Variants in CHST9 observed in about 807,000 individuals in gnomAD.
CHST9 encodes the protein GalNAc-4-sulfotransferase 2.
A neutral mutation model predicts 44.4 loss-of-function variants in CHST9; 41 were observed. That is an observed-to-expected ratio of 0.92 (90% CI 0.72 to 1.20). The LOEUF (loss-of-function observed/expected upper bound fraction) is 1.20. Among genes scored for constraint, CHST9 ranks in the 50% most tolerant of loss-of-function variants. The pLI is 0.00. For synonymous variants in CHST9, 171 were observed against 178.4 expected (o/e 0.96, Z 0.33); for missense variants, 504 against 516.5 (o/e 0.98, Z 0.23).
chr18:26,980,634 C>G (rs1176428029), intron 4 of CHST9, among the ~76,000 whole-genome samples: 1 of 152,076 alleles, frequency 6.6e-6, no homozygotes, highest in Admixed American at 6.6e-5. Context: ...TCTAAAAATT[C>G]TTAGGGTTTA....
At chr18:27,094,621 T>A (rs7237657) in intron 2 of CHST9, among the ~76,000 whole-genome samples, 51,534 of 151,782 alleles carry the variant, frequency 0.34, 9,084 homozygotes, top group East Asian at 0.49. Flanking sequence ...AAAGAGAGAT[T>A]TCAGGAACAA....
At chr18:27,042,156 T>C (rs1202124395) in intron 3 of CHST9, among the ~76,000 whole-genome samples, 1 of 152,092 alleles carries the variant, frequency 6.6e-6, no homozygotes. Flanking sequence ...GCATAAGATC[T>C]TAGGAAAAAA....
Position 26,910,518 on chromosome 18 carries a change from T to G in CHST9, c.*5741A>C, listed in dbSNP as rs928908637. 6.6e-6 allele frequency: 1 copy of G among 152,128 alleles called. No homozygotes were observed. The highest frequency in any genetic ancestry group is 2.4e-5 in the African/African-American group (1 of 41,414). The allele number at this position is 152,128 out of a possible 1,614,324, so 9.4% of individuals were successfully genotyped here. A position where few individuals can be genotyped will look rare whatever the true frequency, so the allele number is the denominator to read the frequency against. ...TGTGAACAACTAGAGATCTCCAACC[T>G]CATCTAAAGGGACTGACCTTGCCTC... On this transcript the variant is annotated 3_prime_UTR_variant, in exon 6 of 6. Coordinates refer to ENST00000618847, the MANE Select transcript of CHST9 (RefSeq NM_031422.6).
intron 3 of CHST9, among the ~76,000 whole-genome samples, chr18:27,045,915 G>A (rs1489154297): frequency 6.6e-6 from 1 of 152,042 alleles, no homozygotes; most frequent in Non-Finnish European, 1.5e-5. Flanking sequence ...ACGCTTTACT[G>A]AGAAACTCAG....
At chr18:27,098,485 A>T (rs2143741285) in intron 2 of CHST9, among the ~76,000 whole-genome samples, 1 of 152,284 alleles carries the variant, frequency 6.6e-6, no homozygotes, top group African/African-American at 2.4e-5. Flanking sequence ...TCATTCTATT[A>T]TAAAGACACA....
chr18:27,064,728 G>A (rs2057762817), intron 2 of CHST9, among the ~76,000 whole-genome samples: 1 of 152,170 alleles, frequency 6.6e-6, no homozygotes, highest in South Asian at 2.1e-4. Flanking sequence ...CTAGTCCAGA[G>A]ACTTTCACTT....
chr18:27,006,895 T>G (rs924750983), intron 4 of CHST9, among the ~76,000 whole-genome samples: 1 of 152,146 alleles, frequency 6.6e-6, no homozygotes, highest in Admixed American at 6.5e-5. Flanking sequence ...CATGGCAATA[T>G]CAAACACAGC....
chr18:27,062,012 T>G (rs1010410443), intron 2 of CHST9, among the ~76,000 whole-genome samples: 2 of 152,148 alleles, frequency 1.3e-5, no homozygotes, highest in Non-Finnish European at 2.9e-5. Flanking sequence ...CAAATCACCC[T>G]TCAGCTCCTG....
At chr18:27,104,269 ATTG>A (rs769961062) in intron 2 of CHST9, among the ~76,000 whole-genome samples, 6 of 152,158 alleles carry the variant, frequency 3.9e-5, no homozygotes, top group Non-Finnish European at 5.9e-5. Context: ...TAGTCAGGGC[ATTG>A]TTGTGATTTT....
intron 1 of CHST9, 144 bp downstream of exon 1, chr18:27,184,992 T>C (rs978485059): frequency 6.6e-6 from 1 of 152,080 alleles, no homozygotes; most frequent in Non-Finnish European, 1.5e-5. Flanking sequence ...GCCTCCCGCA[T>C]CTCCAGCGGC....
chr18:27,062,706 T>G (rs1182349316), intron 2 of CHST9, among the ~76,000 whole-genome samples: 2 of 152,280 alleles, frequency 1.3e-5, no homozygotes, highest in African/African-American at 4.8e-5. Context: ...AAATGGTATT[T>G]CTAGTTCTAG....
At chr18:27,032,261 C>T (rs946746713) in intron 3 of CHST9, among the ~76,000 whole-genome samples, 1 of 152,076 alleles carries the variant, frequency 6.6e-6, no homozygotes, top group Non-Finnish European at 1.5e-5. Flanking sequence ...CCTTAGAGGT[C>T]CAGAGATGGA....
intron 2 of CHST9, among the ~76,000 whole-genome samples, chr18:27,138,883 C>T (rs4800790): frequency 0.32 from 47,984 of 150,370 alleles, 8,219 homozygotes; most frequent in Non-Finnish European, 0.39. Context: ...GTAACAACTA[C>T]GAAAAAAAAA....
Position 26,956,857 on chromosome 18 carries a change from G to T in CHST9, c.203-12491C>A, listed in dbSNP as rs1050494099. 2.0e-5 allele frequency among the ~76,000 whole-genome samples: 3 copies of T among 152,114 alleles called. No individual in the cohort carries two copies. In the East Asian group the frequency reaches 5.8e-4, roughly 29 times the overall value. Reference sequence around the variant, plus strand: ...TTGGATCAACATTATTTTGCTCAGAGGTTTGTGGACTTTGCATACTGATTC... The same window carrying T: ...TTGGATCAACATTATTTTGCTCAGATGTTTGTGGACTTTGCATACTGATTC... On this transcript the variant is annotated intron_variant, in intron 4 of 5. Coordinates refer to ENST00000618847, the MANE Select transcript of CHST9 (RefSeq NM_031422.6).
At chr18:26,953,684 C>A (rs2145135525) in intron 4 of CHST9, among the ~76,000 whole-genome samples, 1 of 152,256 alleles carries the variant, frequency 6.6e-6, no homozygotes, top group East Asian at 1.9e-4. Flanking sequence ...TTTATTCATT[C>A]ATTTATTCCA....
chr18:26,959,241 C>T (rs1276811586), intron 4 of CHST9, among the ~76,000 whole-genome samples: 1 of 152,162 alleles, frequency 6.6e-6, no homozygotes, highest in African/African-American at 2.4e-5. Context: ...TACATGTTCT[C>T]ACTTATAAGT....
chr18:27,143,302 G>A (rs1025890630), intron 1 of CHST9, among the ~76,000 whole-genome samples: 1 of 152,096 alleles, frequency 6.6e-6, no homozygotes, highest in African/African-American at 2.4e-5. Context: ...ATCACCTCCT[G>A]TCTTAAGAAT....
At chr18:26,984,143 GA>G (rs1204959588) in intron 4 of CHST9, among the ~76,000 whole-genome samples, 1 of 152,188 alleles carries the variant, frequency 6.6e-6, no homozygotes, top group Non-Finnish European at 1.5e-5. Context: ...ATGAGCTATG[GA>G]AATTAATTTA....
At chr18:27,068,493 A>G (rs2057805567) in intron 2 of CHST9, among the ~76,000 whole-genome samples, 1 of 152,198 alleles carries the variant, frequency 6.6e-6, no homozygotes, top group South Asian at 2.1e-4. Context: ...AATTATCCCC[A>G]GTGAAAGATG....
Sources: allele counts gnomAD v4.1 joint callset (sites outside exome capture counted in the v4.1 genomes callset), GRCh38; gene constraint gnomAD v4.1.1; transcripts MANE v1.5; gene names NCBI Gene and HGNC (gene_info 2026-07-23, HGNC 2026-07-21).